The following CAST variants were observed in gnomAD, a reference collection of about 807,000 sequenced individuals.
The protein encoded by CAST is calpastatin, also known as MIR583 host.
A neutral mutation model predicts 119.6 loss-of-function variants in CAST; 76 were observed. The ratio of observed to expected loss-of-function variants is 0.64; its 90% CI spans 0.53 to 0.77. CAST has a LOEUF of 0.77. CAST is among the 30% of genes least tolerant of loss of function. CAST has a pLI of 0.00. For missense variants in CAST, 953 were observed against 946.5 expected, an observed-to-expected ratio of 1.01 and a Z score of -0.09; for synonymous variants, 319 against 331.6, an observed-to-expected ratio of 0.96 and a Z score of 0.41.
At chr5:96,368,541 A>G in the CAST span, among the ~76,000 whole-genome samples, 1 of 151,624 alleles carries the variant, frequency 6.6e-6, no homozygotes, top group Non-Finnish European at 1.5e-5. Flanking sequence ...AATTATTCTC[A>G]AACTCCACAT....
chr5:96,764,526 C>A (rs1769133317), intron 25 of CAST, among the ~76,000 whole-genome samples: 1 of 152,190 alleles, frequency 6.6e-6, no homozygotes, highest in African/African-American at 2.4e-5. Flanking sequence ...TTCAGAAATT[C>A]TCTGAAGTCT....
the CAST span, among the ~76,000 whole-genome samples, chr5:96,056,740 G>C: frequency 3.2e-4 from 48 of 152,264 alleles, no homozygotes; most frequent in African/African-American, 1.1e-3. Flanking sequence ...AGTAAAGCCA[G>C]CCTCTGTTTT....
the CAST span, among the ~76,000 whole-genome samples, chr5:96,372,748 A>G: frequency 1.3e-5 from 2 of 152,064 alleles, no homozygotes; most frequent in Non-Finnish European, 2.9e-5. Context: ...CACCTTGGGA[A>G]CCACTCTCTT....
Position 96,720,507 on chromosome 5 carries a change from C to T in CAST, c.211-2132C>T, listed in dbSNP as rs576780089. ...GTGGGCATATTCCCTACTTCCAGCT[C>T]CCATGAAGCAGCTTTCATATTTCAG... On this transcript the variant is annotated intron_variant, in intron 3 of 31. Coordinates refer to ENST00000675179, the MANE Select transcript of CAST (RefSeq NM_001750.7). Among the ~76,000 whole-genome samples, 55 of 152,324 alleles carry T rather than the reference C, an allele frequency of 3.6e-4. No homozygotes were observed. The Middle Eastern group carries it at 0.017, about 47-fold the overall frequency.
At chr5:96,438,850 T>C in the CAST span, among the ~76,000 whole-genome samples, 2 of 152,166 alleles carry the variant, frequency 1.3e-5, no homozygotes, top group South Asian at 2.1e-4. Context: ...AAATTTATAT[T>C]TTTGGAGAAA....
chr5:96,390,237 C>T, the CAST span, among the ~76,000 whole-genome samples: 2 of 152,060 alleles, frequency 1.3e-5, no homozygotes, highest in Non-Finnish European at 2.9e-5. Flanking sequence ...CCAAGAAAGC[C>T]CAATTTCCTA....
At chr5:96,142,992 G>A in the CAST span, among the ~76,000 whole-genome samples, 2 of 152,116 alleles carry the variant, frequency 1.3e-5, no homozygotes, top group Non-Finnish European at 2.9e-5. Context: ...TTGACACTCT[G>A]GTGCTGCTGA....
chr5:96,773,521 A>G lies in CAST; in HGVS notation c.*905A>G, dbSNP rs1363681503. The G allele has an allele frequency of 1.3e-5, 2 of 152,300 alleles. No homozygotes were observed. The highest frequency in any genetic ancestry group is 3.7e-4 in the East Asian group (2 of 5,334). 9.4% of individuals were successfully genotyped at this position (152,300 alleles called of 1,614,324 possible). A position where few individuals can be genotyped will look rare whatever the true frequency, so the allele number is the denominator to read the frequency against. ...GTGTCTTTAGAGCTATTGCCACATT[A>G]GCCTTTGCACTGTATAGCGTCTGGC... On this transcript the variant is annotated 3_prime_UTR_variant, in exon 32 of 32. Transcript: ENST00000675179.
chr5:96,118,223 C>CTT, the CAST span, among the ~76,000 whole-genome samples: 1 of 146,248 alleles, frequency 6.8e-6, no homozygotes, highest in African/African-American at 2.5e-5. Flanking sequence ...TTTTCTCTCT[C>CTT]TTTTTTTTTT....
the CAST span, among the ~76,000 whole-genome samples, chr5:96,011,441 A>G: frequency 1.3e-5 from 2 of 152,194 alleles, no homozygotes; most frequent in African/African-American, 4.8e-5. Context: ...CAAAGTGAGG[A>G]TGAAGCTGAC....
the CAST span, among the ~76,000 whole-genome samples, chr5:96,422,145 T>G: frequency 2.6e-5 from 4 of 152,098 alleles, no homozygotes; most frequent in Non-Finnish European, 5.9e-5. Context: ...GCAGAGATGA[T>G]GAACACAGCC....
the CAST span, among the ~76,000 whole-genome samples, chr5:96,205,028 G>C: frequency 6.6e-6 from 1 of 152,066 alleles, no homozygotes; most frequent in Non-Finnish European, 1.5e-5. Flanking sequence ...TTAAATTCAA[G>C]TCTTCTCAAA....
the CAST span, among the ~76,000 whole-genome samples, chr5:96,126,084 G>C: frequency 6.6e-6 from 1 of 152,100 alleles, no homozygotes; most frequent in South Asian, 2.1e-4. Context: ...CCCTCTTTTA[G>C]AAGAATCAGT....
At chr5:96,163,306 C>G in the CAST span, among the ~76,000 whole-genome samples, 5 of 152,076 alleles carry the variant, frequency 3.3e-5, no homozygotes, top group Admixed American at 3.3e-4. Context: ...CTAAAGTTTT[C>G]CTGTCAGTCT....
chr5:96,076,140 A>AT, the CAST span, among the ~76,000 whole-genome samples: 3 of 152,164 alleles, frequency 2.0e-5, no homozygotes, highest in African/African-American at 4.8e-5. Context: ...CTGTTCCAGG[A>AT]TTATTTTTTC....
chr5:96,731,076 G>A (rs1339679231), intron 9 of CAST, among the ~76,000 whole-genome samples: 2 of 152,174 alleles, frequency 1.3e-5, no homozygotes, highest in Non-Finnish European at 2.9e-5. Context: ...CTGAGTACAT[G>A]CCATATATAA....
chr5:96,221,166 T>G, the CAST span, among the ~76,000 whole-genome samples: 47 of 152,162 alleles, frequency 3.1e-4, no homozygotes, highest in African/African-American at 1.0e-3. Context: ...GGAAATAAGG[T>G]CTTCACAGAT....
chr5:96,479,648 C>T, the CAST span, among the ~76,000 whole-genome samples: 3 of 152,168 alleles, frequency 2.0e-5, no homozygotes, highest in East Asian at 5.8e-4. Flanking sequence ...CGGGGTTTCA[C>T]CATGTTCACC....
At chr5:96,443,683 T>G in the CAST span, among the ~76,000 whole-genome samples, 7 of 152,210 alleles carry the variant, frequency 4.6e-5, no homozygotes, top group African/African-American at 1.7e-4. Context: ...GCCCACAGAT[T>G]GTGATTTAAT....
Sources: allele counts gnomAD v4.1 joint callset (sites outside exome capture counted in the v4.1 genomes callset), GRCh38; gene constraint gnomAD v4.1.1; transcripts MANE v1.5; gene names NCBI Gene and HGNC (gene_info 2026-07-23, HGNC 2026-07-21).